GRB2: variants seen among roughly 807,000 people sequenced by gnomAD.
The protein encoded by GRB2 is growth factor receptor bound protein 2.
Under a neutral mutation model 27.4 loss-of-function variants are expected in GRB2, and 2 were observed. The ratio of observed to expected loss-of-function variants is 0.07; its 90% CI spans 0.03 to 0.23. The LOEUF (loss-of-function observed/expected upper bound fraction) is 0.23. Ranked by LOEUF, GRB2 falls within the 10% of genes least tolerant of loss-of-function variation. GRB2 has a pLI of 1.00. For missense variants in GRB2, 102 were observed against 282.4 expected, an observed-to-expected ratio of 0.36 and a Z score of 4.58; for synonymous variants, 94 against 99.6, an observed-to-expected ratio of 0.94 and a Z score of 0.33.
intron 4 of GRB2, among the ~76,000 whole-genome samples, chr17:75,324,522 TTTTTTTTTTTTTTG>T (rs948609994): frequency 8.9e-5 from 8 of 89,994 alleles, no homozygotes; most frequent in South Asian, 4.2e-4. Flanking sequence ...TTTTTTTTTT[TTTTTTTTTTTTTTG>T]GAGACAGAGT....
At chr17:75,343,685 A>AG in intron 2 of GRB2, among the ~76,000 whole-genome samples, 1 of 84,438 alleles carries the variant, frequency 1.2e-5, no homozygotes, top group East Asian at 8.0e-4. Context: ...ATGCATAGAC[A>AG]AACCCCAAAA....
chr17:75,379,231 A>G (rs1282484883), intron 2 of GRB2, among the ~76,000 whole-genome samples: 3 of 152,200 alleles, frequency 2.0e-5, no homozygotes, highest in Non-Finnish European at 2.9e-5. Flanking sequence ...GGTTTGTCAT[A>G]TAAATTTTCT....
chr17:75,364,856 C>A (rs927081433), intron 2 of GRB2, among the ~76,000 whole-genome samples: 9 of 151,464 alleles, frequency 5.9e-5, no homozygotes, highest in African/African-American at 2.2e-4. Context: ...CCCAGCCAAG[C>A]AGAAAAAGGC....
intron 2 of GRB2, among the ~76,000 whole-genome samples, chr17:75,350,235 G>A (rs201353771): frequency 2.7e-4 from 36 of 130,956 alleles, no homozygotes; most frequent in South Asian, 4.7e-4. Context: ...TCTCTGAGGG[G>A]AAAAAAAAAA....
intron 4 of GRB2, among the ~76,000 whole-genome samples, chr17:75,323,155 G>C (rs1018078399): frequency 6.7e-6 from 1 of 148,844 alleles, no homozygotes; most frequent in East Asian, 2.0e-4. Context: ...CATTCTCTGA[G>C]AGTGCTTGTT....
chr17:75,384,170 C>G lies in GRB2; in HGVS notation c.78+9381G>C, dbSNP rs1013032965. ...TTTTCCTCAAAAAGTCATTTTGGGT[C>G]AGTTTTTCAAATGTCTCAAAGTTTT... On this transcript the variant is annotated intron_variant, in intron 2 of 5. Transcript: ENST00000316804. Among the ~76,000 whole-genome samples the G allele has an allele frequency of 6.6e-5, 10 of 152,094 alleles. 1 individual carries two copies. Among genetic ancestry groups the G allele is most frequent in the African/African-American group, 2.4e-4 (10 of 41,406 alleles).
chr17:75,390,760 G>T (rs974411848), intron 2 of GRB2, among the ~76,000 whole-genome samples: 1 of 152,200 alleles, frequency 6.6e-6, no homozygotes, highest in African/African-American at 2.4e-5. Flanking sequence ...TCCAAGACAG[G>T]AGAAGATGTG....
chr17:75,339,813 G>T (rs553509742), intron 2 of GRB2, among the ~76,000 whole-genome samples: 38 of 152,162 alleles, frequency 2.5e-4, no homozygotes, highest in Admixed American at 5.9e-4. Context: ...ATTTTTAGTA[G>T]AGATGGAGTT....
intron 2 of GRB2, among the ~76,000 whole-genome samples, chr17:75,386,957 C>T (rs1210647640): frequency 8.6e-6 from 1 of 116,318 alleles, no homozygotes; most frequent in Non-Finnish European, 2.0e-5. Context: ...GGGCAGATCA[C>T]GAGGTCAGAG....
chr17:75,401,924 T>C (rs1480611581), intron 1 of GRB2, among the ~76,000 whole-genome samples: 5 of 152,224 alleles, frequency 3.3e-5, no homozygotes, highest in Non-Finnish European at 7.3e-5. Flanking sequence ...CAGTCTCTTT[T>C]CAAATACTAG....
At chr17:75,369,466 A>G (rs1567869426) in intron 2 of GRB2, among the ~76,000 whole-genome samples, 2 of 152,244 alleles carry the variant, frequency 1.3e-5, no homozygotes, top group South Asian at 4.1e-4. Flanking sequence ...AAAAACTCCC[A>G]TTTATTCCTT....
chr17:75,383,481 G>A (rs916049685), intron 2 of GRB2, among the ~76,000 whole-genome samples: 10 of 152,106 alleles, frequency 6.6e-5, no homozygotes, highest in Non-Finnish European at 1.5e-4. Flanking sequence ...TCAATGCTGT[G>A]TACTGAATAG....
In GRB2 at chr17:75,377,834, G is replaced by A. The variant is rs147749904; in HGVS notation, c.78+15717C>T. On this transcript the variant is annotated intron_variant, in intron 2 of 5. Coordinates refer to ENST00000316804, the MANE Select transcript of GRB2 (RefSeq NM_002086.5). ...AGGTGGTAGAACTGCTTGAACCCGG[G>A]AGGCAGAGGTTGCAGTGAGCCAAGA... 3.3e-3 allele frequency among the ~76,000 whole-genome samples: 506 copies of A among 152,102 alleles called. 2 individuals carry two copies. Among genetic ancestry groups the A allele is most frequent in the Non-Finnish European group, 5.4e-3 (365 of 67,992 alleles).
At chr17:75,376,089 T>A (rs1598246426) in intron 2 of GRB2, among the ~76,000 whole-genome samples, 1 of 145,702 alleles carries the variant, frequency 6.9e-6, no homozygotes, top group South Asian at 2.2e-4. Flanking sequence ...ACGCCTGTAA[T>A]CCCAGCACTT....
intron 2 of GRB2, among the ~76,000 whole-genome samples, chr17:75,334,019 G>C (rs893169144): frequency 6.6e-6 from 1 of 152,172 alleles, no homozygotes; most frequent in African/African-American, 2.4e-5. Flanking sequence ...GCTGTAATGT[G>C]TAGAGTAATA....
intron 1 of GRB2, among the ~76,000 whole-genome samples, chr17:75,397,523 T>G (rs2079035916): frequency 6.6e-6 from 1 of 152,230 alleles, no homozygotes; most frequent in Non-Finnish European, 1.5e-5. Context: ...TAAAGGTATT[T>G]GCAAGATTTT....
chr17:75,328,050 C>T (rs947147650), intron 3 of GRB2, among the ~76,000 whole-genome samples: 3 of 152,118 alleles, frequency 2.0e-5, no homozygotes, highest in Non-Finnish European at 2.9e-5. Context: ...AGGCTGGGCC[C>T]GGTACCTCAT....
intron 3 of GRB2, 187 bp from the exon 4 acceptor site, chr17:75,326,207 T>C (rs1370468060): frequency 1.1e-5 from 7 of 616,492 alleles, no homozygotes; most frequent in Non-Finnish European, 2.0e-5. Context: ...CAAAGGTCTT[T>C]AGCCTACTCC....
intron 2 of GRB2, among the ~76,000 whole-genome samples, chr17:75,351,490 A>C (rs1420393160): frequency 6.6e-6 from 1 of 152,114 alleles, no homozygotes; most frequent in African/African-American, 2.4e-5. Context: ...CTCTACAAAA[A>C]ATAGAACAAA....
Sources: gnomAD v4.1 joint callset for allele counts (sites outside exome capture counted in the v4.1 genomes callset) on GRCh38, gnomAD v4.1.1 for gene constraint, MANE v1.5 for transcripts, NCBI Gene and HGNC (gene_info 2026-07-23, HGNC 2026-07-21) for gene names.